LRRC37A2: variants seen among roughly 807,000 people sequenced by gnomAD.
LRRC37A2 encodes the protein leucine rich repeat containing 37 member A2.
LRRC37A2 carries 9 observed loss-of-function variants against 68.8 expected under a neutral mutation model. That is an observed-to-expected ratio of 0.13 (90% CI 0.08 to 0.23). The LOEUF is 0.23. Among genes scored for constraint, LRRC37A2 ranks in the 10% least tolerant of loss-of-function variants. The pLI is 1.00. For synonymous variants in LRRC37A2, 63 were observed against 367.6 expected (o/e 0.17, Z 9.48); for missense variants, 168 against 950.4 (o/e 0.18, Z 10.82).
chr17:46,989,571 C>A, the LRRC37A2 span, among the ~76,000 whole-genome samples: 2 of 152,234 alleles, frequency 1.3e-5, no homozygotes, highest in African/African-American at 4.8e-5. Context: ...ATGTGACCCA[C>A]GACAGGCTGG....
the LRRC37A2 span, among the ~76,000 whole-genome samples, chr17:46,385,232 G>T: frequency 1.2e-5 from 1 of 86,912 alleles, no homozygotes; most frequent in Non-Finnish European, 2.6e-5. Context: ...TGAGAATAGA[G>T]CCTGGTGTGG....
chr17:46,934,529 A>T, the LRRC37A2 span, among the ~76,000 whole-genome samples: 2 of 152,202 alleles, frequency 1.3e-5, no homozygotes, highest in Non-Finnish European at 2.9e-5. Flanking sequence ...CTCAAAAAAA[A>T]AGAAAATGCA....
chr17:46,830,434 A>G, the LRRC37A2 span, among the ~76,000 whole-genome samples: 2 of 151,952 alleles, frequency 1.3e-5, no homozygotes, highest in Non-Finnish European at 1.5e-5. Context: ...TATTATTTTT[A>G]GAGATGGTGT....
At chr17:46,900,202 T>TATATATACACACACACAC in the LRRC37A2 span, among the ~76,000 whole-genome samples, 245 of 101,132 alleles carry the variant, frequency 2.4e-3, 6 homozygotes, top group African/African-American at 0.012. Flanking sequence ...TATATATATA[T>TATATATACACACACACAC]ACACACACAC....
At chr17:47,030,063 A>AAATAATAATAATAATAAT in the LRRC37A2 span, among the ~76,000 whole-genome samples, 1 of 75,336 alleles carries the variant, frequency 1.3e-5, no homozygotes, top group African/African-American at 5.2e-5. Context: ...ACTCTGTCTC[A>AAATAATAATAATAATAAT]AATAATAATA....
chr17:46,855,382 C>G, the LRRC37A2 span, among the ~76,000 whole-genome samples: 530 of 152,302 alleles, frequency 3.5e-3, 1 homozygote, highest in African/African-American at 0.012. Flanking sequence ...GCTCACAGAA[C>G]AGCATGATGG....
At chr17:46,810,464 G>T in the LRRC37A2 span, among the ~76,000 whole-genome samples, 3 of 152,182 alleles carry the variant, frequency 2.0e-5, no homozygotes, top group South Asian at 2.1e-4. Context: ...GAGGCCTCAG[G>T]TCTGAGGCCA....
chr17:47,016,436 C>T, the LRRC37A2 span, among the ~76,000 whole-genome samples: 21 of 124,942 alleles, frequency 1.7e-4, no homozygotes, highest in East Asian at 5.0e-3. Context: ...AACATGCTGA[C>T]TTTAACAACC....
chr17:46,886,209 C>G, the LRRC37A2 span: 2 of 152,252 alleles, frequency 1.3e-5, no homozygotes, highest in Non-Finnish European at 2.9e-5. Context: ...GAAAGCTGTC[C>G]TCACCCACTT....
At chr17:47,022,858 A>G in the LRRC37A2 span, among the ~76,000 whole-genome samples, 1 of 152,240 alleles carries the variant, frequency 6.6e-6, no homozygotes, top group Non-Finnish European at 1.5e-5. Context: ...TTCTTGTTAC[A>G]TGCATTGCTG....
chr17:46,940,443 A>G, the LRRC37A2 span: 1 of 1,605,744 alleles, frequency 6.2e-7, no homozygotes, highest in Admixed American at 1.7e-5. Context: ...AGGCACATTG[A>G]CATTTCCATT....
chr17:46,516,155 TAGCC>T (rs1422501887), intron 2 of LRRC37A2, among the ~76,000 whole-genome samples: 1 of 149,772 alleles, frequency 6.7e-6, no homozygotes, highest in Non-Finnish European at 1.5e-5. Context: ...AGAAAAAAAT[TAGCC>T]AGGCATGGTG....
the LRRC37A2 span, among the ~76,000 whole-genome samples, chr17:46,734,910 A>T: frequency 1.3e-5 from 2 of 152,080 alleles, no homozygotes; most frequent in African/African-American, 4.8e-5. Context: ...AGTTAGTCGA[A>T]TGTGGTGGTG....
At chr17:47,048,400 T>C in the LRRC37A2 span, among the ~76,000 whole-genome samples, 98 of 149,616 alleles carry the variant, frequency 6.6e-4, 2 homozygotes, top group East Asian at 0.018. Context: ...AGTAGGCATC[T>C]GACAAAAGTT....
the LRRC37A2 span, among the ~76,000 whole-genome samples, chr17:47,030,063 A>T: frequency 3.2e-4 from 24 of 75,336 alleles, no homozygotes; most frequent in Non-Finnish European, 6.4e-4. Context: ...ACTCTGTCTC[A>T]AATAATAATA....
At chr17:46,833,156 A>G in the LRRC37A2 span, 703 of 359,412 alleles carry the variant, frequency 2.0e-3, 2 homozygotes, top group Non-Finnish European at 2.7e-3. Context: ...ATCCAGAGTG[A>G]TGTCAGCTGA....
At chr17:46,773,867 C>T in the LRRC37A2 span, 2 of 1,612,784 alleles carry the variant, frequency 1.2e-6, no homozygotes, top group South Asian at 2.2e-5. Context: ...AGAGCAGGGG[C>T]TGTGAGCCCA....
At chr17:46,787,871 G>A in the LRRC37A2 span, among the ~76,000 whole-genome samples, 9 of 151,618 alleles carry the variant, frequency 5.9e-5, no homozygotes, top group Non-Finnish European at 7.4e-5. Context: ...CAGGAGAATC[G>A]CTTGAACCTG....
the LRRC37A2 span, among the ~76,000 whole-genome samples, chr17:46,832,193 G>A: frequency 2.0e-5 from 3 of 152,260 alleles, no homozygotes; most frequent in African/African-American, 2.4e-5. Context: ...CCTCACAAAC[G>A]TGCCAAAGGT....
Sources: gnomAD v4.1 joint callset for allele counts (sites outside exome capture counted in the v4.1 genomes callset) on GRCh38, gnomAD v4.1.1 for gene constraint, MANE v1.5 for transcripts, NCBI Gene and HGNC (gene_info 2026-07-23, HGNC 2026-07-21) for gene names.